The following ADK variants were observed in gnomAD, a reference collection of about 807,000 sequenced individuals.
ADK encodes the protein N6,N6-dimethyladenosine kinase.
A neutral mutation model predicts 44.7 loss-of-function variants in ADK; 24 were observed. The observed-to-expected ratio is 0.54, with a 90% CI of 0.39 to 0.76. ADK has a LOEUF of 0.76. Ranked by LOEUF, ADK falls within the 30% of genes least tolerant of loss-of-function variation. The probability of loss-of-function intolerance (pLI) is 0.00; values close to 1 mark genes in which losing one functional copy is unlikely to be tolerated. For synonymous variants in ADK, 128 were observed against 142.6 expected (o/e 0.90, Z 0.73); for missense variants, 321 against 425.1 (o/e 0.76, Z 2.15).
At chr10:74,657,053 T>G (rs1409118277) in intron 9 of ADK, among the ~76,000 whole-genome samples, 1 of 151,746 alleles carries the variant, frequency 6.6e-6, no homozygotes. Context: ...ATCTGTAGAC[T>G]GCCTCTGTGG....
chr10:74,386,172 A>T (rs554981800), intron 4 of ADK, among the ~76,000 whole-genome samples: 1 of 152,156 alleles, frequency 6.6e-6, no homozygotes, highest in East Asian at 1.9e-4. Flanking sequence ...CATCCTTTGC[A>T]GTCTGCTTGT....
intron 3 of ADK, among the ~76,000 whole-genome samples, chr10:74,227,833 A>G (rs1462895741): frequency 6.6e-6 from 1 of 151,886 alleles, no homozygotes; most frequent in Non-Finnish European, 1.5e-5. Context: ...ACAGGGCGAG[A>G]CTCTGTCTCA....
chr10:74,633,973 A>C (rs935112307), intron 9 of ADK, among the ~76,000 whole-genome samples: 1 of 152,224 alleles, frequency 6.6e-6, no homozygotes, highest in Non-Finnish European at 1.5e-5. Context: ...TAAATTCTAC[A>C]TACAGACCTT....
chr10:74,559,438 A>T (rs969719909), intron 7 of ADK, among the ~76,000 whole-genome samples: 8 of 152,164 alleles, frequency 5.3e-5, no homozygotes, highest in African/African-American at 1.9e-4. Flanking sequence ...TGAATACATC[A>T]TTGTTTATTC....
chr10:74,669,513 C>A (rs1855093755), intron 9 of ADK, among the ~76,000 whole-genome samples: 1 of 152,204 alleles, frequency 6.6e-6, no homozygotes, highest in Non-Finnish European at 1.5e-5. Flanking sequence ...AGGGCAAAAT[C>A]CCGTTGCACT....
intron 8 of ADK, among the ~76,000 whole-genome samples, chr10:74,597,878 ACTAAT>A (rs1474378279): frequency 1.3e-5 from 2 of 152,174 alleles, no homozygotes; most frequent in African/African-American, 4.8e-5. Context: ...GCATCACTAA[ACTAAT>A]CTATCTGGCT....
chr10:74,297,834 A>G (rs1481879891), intron 3 of ADK, among the ~76,000 whole-genome samples: 2 of 152,216 alleles, frequency 1.3e-5, no homozygotes, highest in African/African-American at 2.4e-5. Flanking sequence ...TCCCACCACT[A>G]TGGCAGAATT....
At chr10:74,642,827 CTT>C (rs770015945) in intron 9 of ADK, among the ~76,000 whole-genome samples, 13 of 77,470 alleles carry the variant, frequency 1.7e-4, no homozygotes, top group Non-Finnish European at 2.2e-4. Context: ...ATCTTAAGTT[CTT>C]TTTTTTTTTT....
At chr10:74,658,955 C>A (rs1419925606) in intron 9 of ADK, among the ~76,000 whole-genome samples, 1 of 152,084 alleles carries the variant, frequency 6.6e-6, no homozygotes, top group Non-Finnish European at 1.5e-5. Context: ...GTGGCCCACA[C>A]TTGTAATCCC....
At chr10:74,219,776 A>G (rs1321627566) in intron 2 of ADK, among the ~76,000 whole-genome samples, 3 of 151,396 alleles carry the variant, frequency 2.0e-5, no homozygotes, top group East Asian at 1.9e-4. Context: ...ACTACTGGGT[A>G]CATAACGAAA....
At chr10:74,657,639 T>C (rs1854535878) in intron 9 of ADK, among the ~76,000 whole-genome samples, 1 of 152,148 alleles carries the variant, frequency 6.6e-6, no homozygotes, top group Non-Finnish European at 1.5e-5. Context: ...CATATACCAG[T>C]CTCAAGGAAG....
intron 1 of ADK, among the ~76,000 whole-genome samples, chr10:74,154,173 A>G (rs954718204): frequency 3.3e-5 from 5 of 152,164 alleles, no homozygotes; most frequent in African/African-American, 1.2e-4. Flanking sequence ...GTCTGACTGA[A>G]GCAGAGATGT....
intron 10 of ADK, among the ~76,000 whole-genome samples, chr10:74,696,145 C>T (rs1413886186): frequency 1.3e-5 from 2 of 151,832 alleles, no homozygotes; most frequent in African/African-American, 2.4e-5. Flanking sequence ...CTTAGCCAAC[C>T]GAATAGCTAG....
intron 2 of ADK, among the ~76,000 whole-genome samples, chr10:74,219,790 AG>A (rs1317310487): frequency 6.6e-6 from 1 of 151,562 alleles, no homozygotes; most frequent in East Asian, 1.9e-4. Flanking sequence ...AACGAAATGA[AG>A]GCAGAAATAA....
chr10:74,386,457 GTTAATA>G (rs1843143835), intron 4 of ADK, among the ~76,000 whole-genome samples: 1 of 152,164 alleles, frequency 6.6e-6, no homozygotes, highest in Non-Finnish European at 1.5e-5. Flanking sequence ...TGAAGGTAAA[GTTAATA>G]TTAATAGAAA....
intron 7 of ADK, among the ~76,000 whole-genome samples, chr10:74,588,344 ATAAACCAAT>A (rs139809451): frequency 0.012 from 1,777 of 152,252 alleles, 32 homozygotes; most frequent in African/African-American, 0.04. Flanking sequence ...GCTGGTTTGT[ATAAACCAAT>A]TAAGGTTTAT....
At chr10:74,558,867 G>A (rs560996459) in intron 7 of ADK, among the ~76,000 whole-genome samples, 3 of 152,278 alleles carry the variant, frequency 2.0e-5, no homozygotes, top group Non-Finnish European at 2.9e-5. Flanking sequence ...TAGTGAGGCC[G>A]GGCTGGACTT....
At chr10:74,342,074 C>T (rs1841600828) in intron 4 of ADK, among the ~76,000 whole-genome samples, 1 of 152,044 alleles carries the variant, frequency 6.6e-6, no homozygotes, top group Admixed American at 6.5e-5. Context: ...TCAAAAAGAG[C>T]CCATATACAT....
chr10:74,195,390 C>T lies in ADK; in HGVS notation c.66-5374C>T, dbSNP rs191292708. On this transcript the variant is annotated intron_variant, in intron 1 of 10. Coordinates refer to ENST00000539909, the MANE Select transcript of ADK (RefSeq NM_006721.4). ...TTATGTGCAGTGAAGGAGAGAGAAA[C>T]GTGACATGAGCAAAGTTTTATTTGC... Among the ~76,000 whole-genome samples the T allele has an allele frequency of 2.3e-3, 350 of 152,194 alleles. 2 individuals are homozygous for T. The highest frequency in any genetic ancestry group is 7.8e-3 in the African/African-American group (326 of 41,542).
Sources: allele counts gnomAD v4.1 joint callset (sites outside exome capture counted in the v4.1 genomes callset), GRCh38; gene constraint gnomAD v4.1.1; transcripts MANE v1.5; gene names NCBI Gene and HGNC (gene_info 2026-07-23, HGNC 2026-07-21).